Variants in IFT140 observed in about 807,000 individuals in gnomAD.
IFT140 encodes intraflagellar transport 140, also known as intraflagellar transport protein 140 homolog.
In IFT140, 133 loss-of-function variants were observed where a neutral mutation model predicts 164.6. The ratio of observed to expected loss-of-function variants is 0.81; its 90% CI spans 0.70 to 0.93. The LOEUF is 0.93. Among genes scored for constraint, IFT140 ranks in the 40% least tolerant of loss-of-function variants. The probability of loss-of-function intolerance (pLI) is 0.00; values close to 1 mark genes in which losing one functional copy is unlikely to be tolerated. For synonymous variants in IFT140, 860 were observed against 817.3 expected, an observed-to-expected ratio of 1.05 and a Z score of -0.89; for missense variants, 2,045 against 1,972.3, an observed-to-expected ratio of 1.04 and a Z score of -0.70.
chr16:1,523,200 C>T lies in IFT140; in HGVS notation c.3453+318G>A, dbSNP rs918795500. 7.8e-5 allele frequency among the ~76,000 whole-genome samples: 11 copies of T among 141,862 alleles called. No individual in the cohort carries two copies. The Admixed American group carries it at 8.0e-4, about 10-fold the overall frequency. The allele number at this position is 141,862 out of a possible 152,430, so 93.1% of individuals were successfully genotyped here. On this transcript the variant is annotated intron_variant, in intron 26 of 30. Transcript: ENST00000426508. ...CACCACCACAGTCCAGCCTGGGCAA[C>T]AGAGCGAGACCCTGTCTCAAAAAAA...
In IFT140 at chr16:1,571,496, C is replaced by T. The variant is rs146356094; in HGVS notation, c.1563G>A (p.Glu521=). Residue 521 remains glutamate, a synonymous_variant, in exon 14 of 31, where the codon GAG becomes GAA. Coordinates refer to ENST00000426508, the MANE Select transcript of IFT140 (RefSeq NM_014714.4). ...VKQLLLFSET[E]GNPCFLDICG... ...AGATGTCCAAGAAGCAGGGATTCCC[C>T]TCAGTCTCCGAGAAAAGGAGGAGTT... 11 of 1,614,040 alleles carry T rather than the reference C, an allele frequency of 6.8e-6. No individual in the cohort carries two copies. The highest frequency in any genetic ancestry group is 4.5e-5 in the East Asian group (2 of 44,886).
intron 4 of IFT140, among the ~76,000 whole-genome samples, chr16:1,594,668 C>T (rs887386329): frequency 1.3e-5 from 2 of 152,242 alleles, no homozygotes; most frequent in Admixed American, 6.5e-5. Context: ...AACTGCGCGG[C>T]ACAGACAGGT....
Position 1,551,205 on chromosome 16 carries a change from C to T in IFT140, c.2399+6730G>A, listed in dbSNP as rs2032605262. On this transcript the variant is annotated intron_variant, in intron 19 of 30. Coordinates refer to ENST00000426508, the MANE Select transcript of IFT140 (RefSeq NM_014714.4). This position sits in a 1 kb window ranked among gnomAD's most constrained non-coding sequence, Gnocchi z 4.0. ...GCTGTGGTCAATGGTGGGGCAAGTT[C>T]TGGCCCCGGGGAGCCTGCCCTGTGG... Among the ~76,000 whole-genome samples, 1 of 152,250 alleles carries T rather than the reference C, an allele frequency of 6.6e-6. No individual in the cohort carries two copies. The highest frequency in any genetic ancestry group is 2.4e-5 in the African/African-American group (1 of 41,476).
At chr16:1,555,271 G>C (rs1411227696) in intron 19 of IFT140, 1 of 513,626 alleles carries the variant, frequency 1.9e-6, no homozygotes, top group East Asian at 3.5e-5. Flanking sequence ...GCGGCTCCAC[G>C]ACCACACGCA....
intron 30 of IFT140, chr16:1,514,153 G>C (rs2040273270): frequency 6.6e-6 from 1 of 151,378 alleles, no homozygotes; most frequent in African/African-American, 2.4e-5. Flanking sequence ...TGGATCACGA[G>C]GTCAGGAGAT....
chr16:1,511,220 G>T, intron 30 of IFT140, 70 bp from the exon 31 acceptor site: 1 of 1,445,202 alleles, frequency 6.9e-7, no homozygotes, highest in African/African-American at 1.4e-5. Flanking sequence ...CTGCAGGCCA[G>T]GCACGTGCTG....
At chr16:1,569,701 C>T (rs1175186283) in intron 14 of IFT140, among the ~76,000 whole-genome samples, 1 of 151,694 alleles carries the variant, frequency 6.6e-6, no homozygotes, top group African/African-American at 2.4e-5. Context: ...AGTGATCCTC[C>T]TGCCTCAGCC....
In IFT140 at chr16:1,525,445, TC is replaced by T. The variant is rs201855015; in HGVS notation, c.2769-120del. 1,648 of 760,050 alleles carry T rather than the reference TC, an allele frequency of 2.2e-3. 14 individuals are homozygous for T. In the African/African-American group the frequency reaches 0.025, roughly 12 times the overall value. The allele number at this position is 760,050 out of a possible 1,614,324, so 47.1% of individuals were successfully genotyped here. ...GAGCGGTGGCCCTCGGGGTGTGTGC[TC>T]CTGGCCTGCAGCTCTGCAGACCCTG... On this transcript the variant is annotated intron_variant, in intron 21 of 30. Transcript: ENST00000426508.
rs546219091 is a variant in IFT140 at position 1,541,349 on chromosome 16, A to T, written c.2400-14553T>A. 3.1e-5 allele frequency: 31 copies of T among 985,272 alleles called. No homozygotes were observed. The South Asian group carries it at 1.2e-3, about 37-fold the overall frequency. 61.0% of individuals were successfully genotyped at this position (985,272 alleles called of 1,614,324 possible). On this transcript the variant is annotated intron_variant, in intron 19 of 30. Transcript: ENST00000426508. Reference sequence around the variant, plus strand: ...CCTGCTCAGCCCCTTGCTGGTTATGAGGGGCCCAGATGAGCTGCTTCTCCT... The same window carrying T: ...CCTGCTCAGCCCCTTGCTGGTTATGTGGGGCCCAGATGAGCTGCTTCTCCT...
intron 4 of IFT140, among the ~76,000 whole-genome samples, chr16:1,594,856 G>T (rs2035372788): frequency 6.6e-6 from 1 of 152,224 alleles, no homozygotes; most frequent in Non-Finnish European, 1.5e-5. Flanking sequence ...GCCCAAAACT[G>T]GGGGCCCTTT....
intron 4 of IFT140, among the ~76,000 whole-genome samples, chr16:1,599,834 G>T (rs1596456667): frequency 1.1e-5 from 1 of 89,608 alleles, no homozygotes; most frequent in Admixed American, 1.0e-4. Flanking sequence ...AGGTGGGGGG[G>T]TCAGCCCCCC....
intron 30 of IFT140, among the ~76,000 whole-genome samples, chr16:1,516,599 C>T (rs1244079738): frequency 1.3e-5 from 2 of 151,778 alleles, no homozygotes; most frequent in East Asian, 1.9e-4. Context: ...GAAACCCTGT[C>T]TCTACTAAAA....
At chr16:1,520,918 C>A in intron 26 of IFT140, 110 bp from the exon 27 acceptor site, 1 of 1,011,478 alleles carries the variant, frequency 9.9e-7, no homozygotes, top group Non-Finnish European at 1.4e-6. Context: ...TCAGCGGCGG[C>A]TTCTGTCTAG....
chr16:1,568,240 T>C lies in IFT140; in HGVS notation c.1747A>G (p.Thr583Ala), dbSNP rs1004326343. Residue 583 changes from threonine to alanine, a missense_variant, in exon 15 of 31, where the codon ACC (threonine) becomes GCC (alanine). By Grantham distance (58) the Thr-to-Ala change is moderately conservative. Transcript: ENST00000426508. The part of the protein sequence containing the change: ...ASLRCSSSGS[T>A]ISILPSKADN... Reference sequence around the variant, plus strand: ...ACCTTGCTGGGGAGGATGCTGATGGTGCTCCCGCTGCTGCTGCACCGCAGA... The same window carrying C: ...ACCTTGCTGGGGAGGATGCTGATGGCGCTCCCGCTGCTGCTGCACCGCAGA... The C allele has an allele frequency of 2.5e-6, 4 of 1,607,172 alleles. No homozygotes were observed. The highest frequency in any genetic ancestry group is 1.7e-6 in the Non-Finnish European group (2 of 1,177,370).
At chr16:1,548,090 C>T (rs150872908) in intron 19 of IFT140, among the ~76,000 whole-genome samples, 10 of 152,346 alleles carry the variant, frequency 6.6e-5, no homozygotes, top group South Asian at 6.2e-4. Flanking sequence ...CGGAGCCTCT[C>T]GCTCTTCCCT....
chr16:1,521,427 T>C (rs932319071), intron 26 of IFT140, among the ~76,000 whole-genome samples: 2 of 150,192 alleles, frequency 1.3e-5, no homozygotes, highest in Admixed American at 6.6e-5. Context: ...TTGCTCTTAT[T>C]GCCCAGGCTG....
At chr16:1,583,507 T>C in intron 11 of IFT140, 121 bp from the exon 12 acceptor site, 1 of 723,952 alleles carries the variant, frequency 1.4e-6, no homozygotes, top group Non-Finnish European at 2.4e-6. Flanking sequence ...TCCATCATCC[T>C]ACGACTATGA....
In IFT140 at chr16:1,518,423, A is replaced by G. The variant is rs559987664; in HGVS notation, c.4041-66T>C. ...AACACCTACTGCTATCAGAGGTCAG[A>G]GGAGACTCTTGGCCTGTAAGAGGAG... On this transcript the variant is annotated intron_variant, in intron 29 of 30. Transcript: ENST00000426508. The G allele has an allele frequency of 2.0e-6, 3 of 1,528,604 alleles. No individual in the cohort carries two copies. In the East Asian group the frequency reaches 7.0e-5, roughly 36 times the overall value. The allele number at this position is 1,528,604 out of a possible 1,614,324, so 94.7% of individuals were successfully genotyped here. A position where few individuals can be genotyped will look rare whatever the true frequency, so the allele number is the denominator to read the frequency against.
chr16:1,525,450 G>A, intron 21 of IFT140, 124 bp from the exon 22 acceptor site: 1 of 742,818 alleles, frequency 1.3e-6, no homozygotes, highest in African/African-American at 1.7e-5. Context: ...TGTGCTCCTG[G>A]CCTGCAGCTC....
Sources: gnomAD v4.1 joint callset for allele counts (sites outside exome capture counted in the v4.1 genomes callset) on GRCh38, gnomAD v4.1.1 for gene constraint, Gnocchi (gnomAD v3.1) non-coding constraint, MANE v1.5 for transcripts, NCBI Gene and HGNC (gene_info 2026-07-23, HGNC 2026-07-21) for gene names.